Variants in RBFOX1 observed in about 807,000 individuals in gnomAD.
The protein encoded by RBFOX1 is RNA binding protein fox-1 homolog 1.
In RBFOX1, 8 loss-of-function variants were observed where a neutral mutation model predicts 57.7. That is an observed-to-expected ratio of 0.14 (90% CI 0.08 to 0.25). The LOEUF (loss-of-function observed/expected upper bound fraction) is 0.25, where lower values mean the gene tolerates loss of function less well. Among genes scored for constraint, RBFOX1 ranks in the 10% least tolerant of loss-of-function variants. The pLI is 1.00. For synonymous variants in RBFOX1, 326 were observed against 222.4 expected (o/e 1.47, Z -4.15); for missense variants, 611 against 548.5 (o/e 1.11, Z -1.14).
At chr16:7,042,757 C>G (rs1021763578) in intron 3 of RBFOX1, among the ~76,000 whole-genome samples, 8 of 152,224 alleles carry the variant, frequency 5.3e-5, no homozygotes, top group Admixed American at 5.2e-4. Context: ...AAAACTCCAT[C>G]TCTGCTACAA....
intron 1 of RBFOX1, among the ~76,000 whole-genome samples, chr16:6,237,110 A>C (rs537033392): frequency 6.6e-6 from 1 of 152,326 alleles, no homozygotes; most frequent in African/African-American, 2.4e-5. Context: ...GCCTGAGCCA[A>C]AATCATGGTA....
At chr16:7,495,244 G>A (rs890384631) in intron 4 of RBFOX1, among the ~76,000 whole-genome samples, 2 of 152,146 alleles carry the variant, frequency 1.3e-5, no homozygotes, top group African/African-American at 2.4e-5. Flanking sequence ...CTAATTCCAT[G>A]TCTCTGCTGT....
intron 11 of RBFOX1, among the ~76,000 whole-genome samples, chr16:7,642,276 C>T (rs1178761873): frequency 2.0e-5 from 3 of 152,128 alleles, no homozygotes; most frequent in African/African-American, 7.2e-5. Context: ...CAGTACCTGT[C>T]CTCCAGGTTG....
chr16:5,695,819 C>G (rs1293569814), intron 3 of RBFOX1, among the ~76,000 whole-genome samples: 2 of 151,728 alleles, frequency 1.3e-5, no homozygotes, highest in Non-Finnish European at 3.0e-5. Flanking sequence ...AAGGAGGTAA[C>G]TATAGAATGT....
chr16:6,791,564 A>G (rs2082949247), intron 3 of RBFOX1, among the ~76,000 whole-genome samples: 2 of 152,168 alleles, frequency 1.3e-5, no homozygotes, highest in South Asian at 2.1e-4. Context: ...TTCGAAACCA[A>G]CCTGGCCAAC....
At chr16:7,284,489 C>G (rs1391360837) in intron 4 of RBFOX1, among the ~76,000 whole-genome samples, 1 of 152,064 alleles carries the variant, frequency 6.6e-6, no homozygotes, top group Non-Finnish European at 1.5e-5. Context: ...CACCACCACG[C>G]CTGGTTAATT....
intron 3 of RBFOX1, among the ~76,000 whole-genome samples, chr16:5,687,012 T>G (rs1366265790): frequency 6.6e-6 from 1 of 152,204 alleles, no homozygotes; most frequent in African/African-American, 2.4e-5. Flanking sequence ...CGGATACCCA[T>G]GCTGCGTTGG....
intron 1 of RBFOX1, among the ~76,000 whole-genome samples, chr16:6,211,423 T>C (rs1349633303): frequency 6.6e-6 from 1 of 151,874 alleles, no homozygotes; most frequent in Non-Finnish European, 1.5e-5. Context: ...AGAGACAGGG[T>C]TTCTTCGTGT....
At chr16:6,753,502 C>G (rs2075297627) in intron 3 of RBFOX1, among the ~76,000 whole-genome samples, 1 of 152,170 alleles carries the variant, frequency 6.6e-6, no homozygotes, top group Non-Finnish European at 1.5e-5. Context: ...CCCCTTTCAT[C>G]TCCTATACCA....
intron 4 of RBFOX1, among the ~76,000 whole-genome samples, chr16:5,979,262 T>C (rs962085199): frequency 6.6e-6 from 1 of 152,212 alleles, no homozygotes; most frequent in Admixed American, 6.5e-5. Flanking sequence ...CTTGATCTGA[T>C]GAGCGTGAGA....
intron 3 of RBFOX1, among the ~76,000 whole-genome samples, chr16:6,741,445 C>A (rs777775935): frequency 2.1e-4 from 32 of 151,968 alleles, no homozygotes; most frequent in South Asian, 1.2e-3. Context: ...AGGTGGATAA[C>A]CTGAGGTCAG....
intron 2 of RBFOX1, among the ~76,000 whole-genome samples, chr16:5,594,695 T>G (rs11076939): frequency 0.12 from 17,542 of 152,076 alleles, 1,256 homozygotes; most frequent in East Asian, 0.32. Flanking sequence ...ATTTATGTCA[T>G]TGAGCAGAGA....
chr16:5,521,761 T>C lies in RBFOX1; in HGVS notation c.258+54507T>C, dbSNP rs528524982. ...CTCCTGTTCACACAATATACCCAGG[T>C]ATGCATCTCATTTCAAACTGCACTG... On this transcript the variant is annotated intron_variant, in intron 2 of 2. Transcript: ENST00000585867. Among the ~76,000 whole-genome samples the C allele has an allele frequency of 3.9e-4, 60 of 152,334 alleles. No individual in the cohort carries two copies. In the South Asian group the frequency reaches 0.012, roughly 30 times the overall value.
At position 5,708,151 on chromosome 16, in the gene RBFOX1, A is replaced by T. The variant is rs570843560; in HGVS notation, c.318+109190A>T. ...GAAAACCCGAAGTAGTCAGACTGGA[A>T]CTGGATGAATACAGAGAGAAACACG... is the stretch of plus-strand genomic sequence containing the variant. On this transcript the variant is annotated intron_variant, in intron 3 of 19. Transcript: ENST00000641259. Among the ~76,000 whole-genome samples, 10 of 152,300 alleles carry T rather than the reference A, an allele frequency of 6.6e-5. No homozygotes were observed. In the South Asian group the frequency reaches 1.9e-3, roughly 28 times the overall value.
intron 3 of RBFOX1, among the ~76,000 whole-genome samples, chr16:6,925,765 C>A (rs796615427): frequency 8.6e-5 from 13 of 151,890 alleles, no homozygotes; most frequent in African/African-American, 3.1e-4. Context: ...AACGGGAAAT[C>A]CCCCAGGTAG....
At chr16:7,576,299 G>C (rs1029292895) in intron 5 of RBFOX1, among the ~76,000 whole-genome samples, 1 of 152,074 alleles carries the variant, frequency 6.6e-6, no homozygotes, top group African/African-American at 2.4e-5. Flanking sequence ...CCTAAGATTA[G>C]CAAATAACAG....
chr16:5,393,648 C>G (rs1471516205), intron 1 of RBFOX1, among the ~76,000 whole-genome samples: 1 of 151,664 alleles, frequency 6.6e-6, no homozygotes, highest in Non-Finnish European at 1.5e-5. Context: ...CATCCTGTTG[C>G]TCTTTTCAAA....
chr16:6,746,968 C>G (rs1012001901), intron 3 of RBFOX1, among the ~76,000 whole-genome samples: 3 of 152,146 alleles, frequency 2.0e-5, no homozygotes, highest in Non-Finnish European at 4.4e-5. Context: ...AATCTCATCT[C>G]TCCTGTGGAG....
At chr16:5,727,459 A>T (rs1320650700) in intron 3 of RBFOX1, among the ~76,000 whole-genome samples, 2 of 152,216 alleles carry the variant, frequency 1.3e-5, no homozygotes, top group Admixed American at 1.3e-4. Flanking sequence ...GAAGTAACAT[A>T]CCCATTACCT....
Sources: allele counts gnomAD v4.1 joint callset (sites outside exome capture counted in the v4.1 genomes callset), GRCh38; gene constraint gnomAD v4.1.1; transcripts MANE v1.5; gene names NCBI Gene and HGNC (gene_info 2026-07-23, HGNC 2026-07-21).